FARS2: variants seen among roughly 807,000 people sequenced by gnomAD.
FARS2 encodes the protein phenylalanyl-tRNA synthetase 2, mitochondrial, also known as phenylalanine--tRNA ligase, mitochondrial.
A neutral mutation model predicts 46.4 loss-of-function variants in FARS2; 40 were observed. The observed-to-expected ratio is 0.86, with a 90% CI of 0.67 to 1.12. The LOEUF (loss-of-function observed/expected upper bound fraction) is 1.12. Among genes scored for constraint, FARS2 ranks in the 50% most tolerant of loss-of-function variants. The pLI, the probability that FARS2 is intolerant of heterozygous loss-of-function variation, is 0.00. For synonymous variants in FARS2, 234 were observed against 214.9 expected (o/e 1.09, Z -0.78); for missense variants, 513 against 567.9 (o/e 0.90, Z 0.98).
chr6:5,271,209 A>C (rs1171733549), intron 1 of FARS2, among the ~76,000 whole-genome samples: 1 of 152,098 alleles, frequency 6.6e-6, no homozygotes, highest in Admixed American at 6.6e-5. Context: ...GTCTGGCCAG[A>C]GTCCTCTCTC....
At chr6:5,519,066 A>G (rs2150420704) in intron 4 of FARS2, among the ~76,000 whole-genome samples, 1 of 152,348 alleles carries the variant, frequency 6.6e-6, no homozygotes, top group East Asian at 1.9e-4. Context: ...GATATGGTGT[A>G]TAACATACAG....
At chr6:5,710,839 C>G (rs1017261975) in intron 6 of FARS2, among the ~76,000 whole-genome samples, 1 of 152,204 alleles carries the variant, frequency 6.6e-6, no homozygotes, top group African/African-American at 2.4e-5. Context: ...AGAAAAATCT[C>G]TGAGCTCATG....
chr6:5,615,458 C>T (rs1409239377), intron 6 of FARS2, among the ~76,000 whole-genome samples: 1 of 152,136 alleles, frequency 6.6e-6, no homozygotes, highest in African/African-American at 2.4e-5. Flanking sequence ...TTTAGCTCCC[C>T]CTGCTTTCTT....
At chr6:5,603,919 G>A (rs370570193) in intron 5 of FARS2, among the ~76,000 whole-genome samples, 12 of 152,280 alleles carry the variant, frequency 7.9e-5, no homozygotes, top group Non-Finnish European at 1.5e-4. Flanking sequence ...CCATTGCAGA[G>A]AAGCCAGTTA....
At chr6:5,301,802 TACACACACACACACACAC>T (rs143654686) in intron 1 of FARS2, among the ~76,000 whole-genome samples, 50 of 132,402 alleles carry the variant, frequency 3.8e-4, no homozygotes, top group African/African-American at 9.2e-4. Flanking sequence ...CACACACACA[TACACACACACACACACAC>T]ACACACACAC....
At position 5,653,433 on chromosome 6, in the gene FARS2, C is replaced by T. The variant is rs112849586; in HGVS notation, c.1217+40113C>T. Among the ~76,000 whole-genome samples, 1,111 of 152,322 alleles carry T rather than the reference C, an allele frequency of 7.3e-3. 23 individuals carry two copies. The highest frequency in any genetic ancestry group is 0.026 in the African/African-American group (1,068 of 41,578). ...CAGACCCACAAGTATTTATTGTGCA[C>T]CTACTACATGGAAGGCGTTGGACCA... On this transcript the variant is annotated intron_variant, in intron 6 of 6. Transcript: ENST00000274680.
intron 6 of FARS2, among the ~76,000 whole-genome samples, chr6:5,679,349 C>T (rs1467200713): frequency 5.9e-5 from 9 of 152,064 alleles, no homozygotes; most frequent in African/African-American, 2.2e-4. Context: ...CCTGGGGTCA[C>T]CAGCCTCCTT....
chr6:5,316,449 G>A (rs192034599), intron 1 of FARS2, among the ~76,000 whole-genome samples: 13 of 152,310 alleles, frequency 8.5e-5, no homozygotes, highest in African/African-American at 3.1e-4. Flanking sequence ...AAAAGGCTGA[G>A]CAAAGTGAAA....
intron 1 of FARS2, among the ~76,000 whole-genome samples, chr6:5,274,739 C>T (rs1453470454): frequency 6.6e-6 from 1 of 152,040 alleles, no homozygotes; most frequent in African/African-American, 2.4e-5. Flanking sequence ...GAGACAGGGT[C>T]TTGCTCTGTC....
At chr6:5,691,447 A>C (rs999126734) in intron 6 of FARS2, among the ~76,000 whole-genome samples, 5 of 152,166 alleles carry the variant, frequency 3.3e-5, no homozygotes, top group Non-Finnish European at 2.9e-5. Context: ...AGTTTGCTGG[A>C]GGTCCACTCC....
At chr6:5,355,374 GTTTTTTT>G (rs796768184) in intron 1 of FARS2, among the ~76,000 whole-genome samples, 1 of 131,686 alleles carries the variant, frequency 7.6e-6, no homozygotes, top group African/African-American at 2.8e-5. Context: ...TTTCCTTTTT[GTTTTTTT>G]TTTTTTTTTG....
At position 5,771,431 on chromosome 6, in the gene FARS2, G is replaced by A; in HGVS notation, c.*2G>A. On this transcript the variant is annotated 3_prime_UTR_variant, in exon 7 of 7. Transcript: ENST00000274680. ...TTGGGTGTGGAGGGCAGGTTCTGAT[G>A]TCACCACTTCACTCAGGCTGCAGCC... 2 of 1,611,814 alleles carry A rather than the reference G, an allele frequency of 1.2e-6. No homozygotes were observed. The highest frequency in any genetic ancestry group is 3.4e-5 in the Admixed American group (2 of 59,272).
chr6:5,749,050 C>G (rs901688899), intron 6 of FARS2, among the ~76,000 whole-genome samples: 4 of 152,240 alleles, frequency 2.6e-5, no homozygotes, highest in African/African-American at 9.6e-5. Flanking sequence ...CAGAAGTCAC[C>G]TCTACTGCAA....
At chr6:5,342,393 C>G (rs1771720501) in intron 1 of FARS2, among the ~76,000 whole-genome samples, 1 of 152,132 alleles carries the variant, frequency 6.6e-6, no homozygotes, top group Non-Finnish European at 1.5e-5. Context: ...GTAAAATGTT[C>G]TAAGTGCTGA....
At chr6:5,455,243 G>A (rs1476020286) in intron 4 of FARS2, among the ~76,000 whole-genome samples, 1 of 152,118 alleles carries the variant, frequency 6.6e-6, no homozygotes, top group East Asian at 1.9e-4. Flanking sequence ...AATCTTTGCA[G>A]AAGATTCCAA....
chr6:5,565,154 A>G (rs1772251605), intron 5 of FARS2, among the ~76,000 whole-genome samples: 1 of 152,214 alleles, frequency 6.6e-6, no homozygotes, highest in South Asian at 2.1e-4. Flanking sequence ...CATGCTCCAA[A>G]TTTTGTTTAC....
rs563589570 is a variant in FARS2, at chr6:5,380,169, A to G, written c.612+10987A>G. Among the ~76,000 whole-genome samples the G allele has an allele frequency of 7.5e-4, 114 of 152,350 alleles. 1 individual carries two copies. Among genetic ancestry groups the G allele is most frequent in the African/African-American group, 2.7e-3 (112 of 41,586 alleles). ...TCTTAGTAGATGGAATACACAGAGA[A>G]TAGAGGATGTTCTCAAGGGTAAAAG... On this transcript the variant is annotated intron_variant, in intron 2 of 6. Coordinates refer to ENST00000274680, the MANE Select transcript of FARS2 (RefSeq NM_006567.5).
rs1019587074 is a variant in FARS2 at position 5,356,023 on chromosome 6, C to G, written c.-21-12527C>G. On this transcript the variant is annotated intron_variant, in intron 1 of 6. Transcript: ENST00000274680. Reference sequence around the variant, plus strand: ...CTGACTTGCCCGATGCGCATGTTCCCAGCTGAGGTTGAACACGGTGATGTT... The same window carrying G: ...CTGACTTGCCCGATGCGCATGTTCCGAGCTGAGGTTGAACACGGTGATGTT... Among the ~76,000 whole-genome samples the G allele has an allele frequency of 1.3e-5, 2 of 152,158 alleles. 1 individual carries two copies. Among genetic ancestry groups the G allele is most frequent in the Admixed American group, 1.3e-4 (2 of 15,274 alleles).
chr6:5,744,209 G>GCC (rs1761514173), intron 6 of FARS2, among the ~76,000 whole-genome samples: 1 of 152,186 alleles, frequency 6.6e-6, no homozygotes, highest in Admixed American at 6.5e-5. Context: ...TAGGGACGAA[G>GCC]CTGCCACAAA....
Sources: gnomAD v4.1 joint callset for allele counts (sites outside exome capture counted in the v4.1 genomes callset) on GRCh38, gnomAD v4.1.1 for gene constraint, MANE v1.5 for transcripts, NCBI Gene and HGNC (gene_info 2026-07-23, HGNC 2026-07-21) for gene names.